The following GRID1 variants were observed in gnomAD, a reference collection of about 807,000 sequenced individuals.
GRID1 encodes the protein glutamate ionotropic receptor delta type subunit 1.
GRID1 carries 28 observed loss-of-function variants against 98.0 expected under a neutral mutation model. The observed-to-expected ratio is 0.29, with a 90% CI of 0.21 to 0.39. The LOEUF (loss-of-function observed/expected upper bound fraction) is 0.39. GRID1 is among the 10% of genes least tolerant of loss of function. GRID1 has a pLI of 1.00. For synonymous variants in GRID1, 553 were observed against 538.5 expected, an observed-to-expected ratio of 1.03 and a Z score of -0.37; for missense variants, 1,111 against 1,340.5, an observed-to-expected ratio of 0.83 and a Z score of 2.67.
intron 8 of GRID1, among the ~76,000 whole-genome samples, chr10:85,748,979 G>T (rs1842022544): frequency 6.6e-6 from 1 of 152,068 alleles, no homozygotes; most frequent in South Asian, 2.1e-4. Flanking sequence ...AAAGCCATCT[G>T]CTAGCCATGT....
chr10:85,707,732 G>T (rs1332924322), intron 12 of GRID1, among the ~76,000 whole-genome samples: 1 of 152,150 alleles, frequency 6.6e-6, no homozygotes, highest in Non-Finnish European at 1.5e-5. Flanking sequence ...AACAATGATA[G>T]ACTGGATTAA....
chr10:85,617,942 C>T (rs559601318), intron 14 of GRID1, among the ~76,000 whole-genome samples: 2 of 152,144 alleles, frequency 1.3e-5, no homozygotes, highest in Non-Finnish European at 2.9e-5. Flanking sequence ...TCCTCTGAAG[C>T]CACACAAAGG....
At chr10:85,909,335 T>C (rs1841504478) in intron 5 of GRID1, among the ~76,000 whole-genome samples, 1 of 152,202 alleles carries the variant, frequency 6.6e-6, no homozygotes, top group Non-Finnish European at 1.5e-5. Context: ...CTCAGCAACT[T>C]GGCAGTTTCT....
rs80114955 is a variant in GRID1, at chr10:85,678,249, C to G, written c.1998-30852G>C. Among the ~76,000 whole-genome samples, 1,016 of 152,198 alleles carry G rather than the reference C, an allele frequency of 6.7e-3. 39 individuals are homozygous for G. The highest frequency in any genetic ancestry group is 0.055 in the Admixed American group (846 of 15,284). On this transcript the variant is annotated intron_variant, in intron 12 of 15. Coordinates refer to ENST00000327946, the MANE Select transcript of GRID1 (RefSeq NM_017551.3). ...ATCACCTTCCTGCTCGACAAGGTGC[C>G]CCAGGAGAAAACCTCAACTGGGATG...
intron 4 of GRID1, among the ~76,000 whole-genome samples, chr10:85,962,171 G>C (rs549211391): frequency 4.2e-4 from 64 of 152,220 alleles, no homozygotes; most frequent in African/African-American, 1.5e-3. Flanking sequence ...CATGGTGCAA[G>C]GGTCCCTGGT....
At chr10:86,323,762 G>A (rs1228914023) in intron 2 of GRID1, among the ~76,000 whole-genome samples, 4 of 152,220 alleles carry the variant, frequency 2.6e-5, no homozygotes, top group East Asian at 1.9e-4. Context: ...AGTCACTGAA[G>A]TGTATACTTT....
intron 8 of GRID1, among the ~76,000 whole-genome samples, chr10:85,824,752 C>A (rs941867036): frequency 1.3e-5 from 2 of 152,118 alleles, no homozygotes; most frequent in African/African-American, 4.8e-5. Context: ...CTCTGTATGC[C>A]TTTGCATACA....
At chr10:86,261,743 C>T (rs766316067) in intron 2 of GRID1, among the ~76,000 whole-genome samples, 2 of 151,904 alleles carry the variant, frequency 1.3e-5, no homozygotes, top group African/African-American at 4.8e-5. Flanking sequence ...CACCCACTCT[C>T]ACCTGAGCAG....
At chr10:86,335,505 T>C (rs1848209767) in intron 2 of GRID1, among the ~76,000 whole-genome samples, 1 of 152,258 alleles carries the variant, frequency 6.6e-6, no homozygotes, top group Non-Finnish European at 1.5e-5. Context: ...GGCTGGGTCA[T>C]ATGTATTTGG....
At chr10:86,156,231 C>G (rs1250826017) in intron 3 of GRID1, among the ~76,000 whole-genome samples, 1 of 152,184 alleles carries the variant, frequency 6.6e-6, no homozygotes, top group Admixed American at 6.5e-5. Flanking sequence ...GGAAACAGCT[C>G]CCTGCTCTTG....
intron 8 of GRID1, among the ~76,000 whole-genome samples, chr10:85,795,240 C>A (rs1842515905): frequency 6.6e-6 from 1 of 152,022 alleles, no homozygotes; most frequent in African/African-American, 2.4e-5. Context: ...AATTGGAGGC[C>A]CAAGGTTTAT....
chr10:86,029,811 G>C (rs955530330), intron 4 of GRID1, among the ~76,000 whole-genome samples: 3 of 152,076 alleles, frequency 2.0e-5, no homozygotes, highest in Non-Finnish European at 4.4e-5. Flanking sequence ...GGTAATGAAA[G>C]TGAGTAGGGT....
At chr10:86,005,410 A>C (rs1842849062) in intron 4 of GRID1, among the ~76,000 whole-genome samples, 1 of 152,126 alleles carries the variant, frequency 6.6e-6, no homozygotes, top group Admixed American at 6.5e-5. Context: ...GAGAGTAAGG[A>C]GAAAGATCAT....
At position 86,072,426 on chromosome 10, in the gene GRID1, G is replaced by C. The variant is rs577331364; in HGVS notation, c.726+66393C>G. Among the ~76,000 whole-genome samples the C allele has an allele frequency of 2.0e-5, 3 of 152,256 alleles. No homozygotes were observed. The South Asian group carries it at 6.2e-4, about 32-fold the overall frequency. On this transcript the variant is annotated intron_variant, in intron 4 of 15. Transcript: ENST00000327946. ...TCGGGCCAGTCGATGTTTTTTCTCA[G>C]ACAATACAAGTTATTTCCTCATCTT...
At chr10:85,739,463 T>C (rs1841919484) in intron 8 of GRID1, among the ~76,000 whole-genome samples, 1 of 152,040 alleles carries the variant, frequency 6.6e-6, no homozygotes, top group Admixed American at 6.5e-5. Flanking sequence ...CATGCACCTG[T>C]AGTCCCAGAT....
At chr10:86,216,648 G>T (rs961181916) in intron 2 of GRID1, among the ~76,000 whole-genome samples, 9 of 152,198 alleles carry the variant, frequency 5.9e-5, no homozygotes, top group African/African-American at 2.2e-4. Flanking sequence ...CGAGAAGCTT[G>T]GGAGAAAGCA....
At position 85,649,168 on chromosome 10, in the gene GRID1, C is replaced by T. The variant is rs149539785; in HGVS notation, c.1998-1771G>A. Among the ~76,000 whole-genome samples, 739 of 152,212 alleles carry T rather than the reference C, an allele frequency of 4.9e-3. 7 individuals carry two copies. Among genetic ancestry groups the T allele is most frequent in the African/African-American group, 0.017 (709 of 41,548 alleles). On this transcript the variant is annotated intron_variant, in intron 12 of 15. Coordinates refer to ENST00000327946, the MANE Select transcript of GRID1 (RefSeq NM_017551.3). ...TGGAGCTGAAGGAGCCCCATTTTTG[C>T]ATCCACTGCCCTGGACCAACGCTGA...
rs1842569854 is a variant in GRID1 at position 85,601,206 on chromosome 10, A to G, written c.*1067T>C. The G allele has an allele frequency of 6.6e-6, 1 of 152,018 alleles. No individual in the cohort carries two copies. The highest frequency in any genetic ancestry group is 6.6e-5 in the Admixed American group (1 of 15,222). 9.4% of individuals were successfully genotyped at this position (152,018 alleles called of 1,614,324 possible). A position where few individuals can be genotyped will look rare whatever the true frequency, so the allele number is the denominator to read the frequency against. ...TCCACCCACCTGGGCACCTCCCCCA[A>G]CTCTTACTAACAGAGTCCGTTTGCC... On this transcript the variant is annotated 3_prime_UTR_variant, in exon 16 of 16. Transcript: ENST00000327946.
chr10:86,069,945 C>T (rs1159200242), intron 4 of GRID1, among the ~76,000 whole-genome samples: 3 of 152,102 alleles, frequency 2.0e-5, no homozygotes, highest in Admixed American at 6.5e-5. Context: ...CATGGGAAGA[C>T]AGGGATGCCG....
Sources: allele counts gnomAD v4.1 joint callset (sites outside exome capture counted in the v4.1 genomes callset), GRCh38; gene constraint gnomAD v4.1.1; transcripts MANE v1.5; gene names NCBI Gene and HGNC (gene_info 2026-07-23, HGNC 2026-07-21).